HABP2: variants seen among roughly 807,000 people sequenced by gnomAD.
HABP2 encodes factor VII-activating protease.
A neutral mutation model predicts 66.5 loss-of-function variants in HABP2; 65 were observed. That is an observed-to-expected ratio of 0.98 (90% CI 0.80 to 1.20). The LOEUF is 1.20. Ranked by LOEUF, HABP2 falls within the 50% of genes most tolerant of loss-of-function variation. HABP2 has a pLI of 0.00. For synonymous variants in HABP2, 263 were observed against 253.9 expected, an observed-to-expected ratio of 1.04 and a Z score of -0.34; for missense variants, 786 against 691.0, an observed-to-expected ratio of 1.14 and a Z score of -1.54.
rs35337746 is a variant in HABP2 at position 113,587,347 on chromosome 10, A to C, written c.1519-858A>C. On this transcript the variant is annotated intron_variant, in intron 12 of 12. Transcript: ENST00000351270. ...AACAAAAACAAACAAACAAAAAAAAACCTCATTCAATTCCCTAGATAATTG... is the reference window on the plus strand; with the variant it reads ...AACAAAAACAAACAAACAAAAAAAACCCTCATTCAATTCCCTAGATAATTG... Among the ~76,000 whole-genome samples, 612 of 151,796 alleles carry C rather than the reference A, an allele frequency of 4.0e-3. 2 individuals carry two copies. Among genetic ancestry groups the C allele is most frequent in the Non-Finnish European group, 4.7e-3 (322 of 67,890 alleles).
At chr10:113,565,000 C>T (rs1338614136) in intron 1 of HABP2, among the ~76,000 whole-genome samples, 1 of 148,944 alleles carries the variant, frequency 6.7e-6, no homozygotes, top group Non-Finnish European at 1.5e-5. Flanking sequence ...GCCCCCGCTG[C>T]CACATCCAGC....
At chr10:113,578,516 G>A (rs200329810) in intron 6 of HABP2, 111 bp from the exon 7 acceptor site, 127 of 729,342 alleles carry the variant, frequency 1.7e-4, no homozygotes, top group Non-Finnish European at 2.8e-4. Context: ...ATCTCAGGGC[G>A]ATAAATATGC....
chr10:113,574,220 C>A (rs1409451527), intron 2 of HABP2, 69 bp from the exon 3 acceptor site: 7 of 803,514 alleles, frequency 8.7e-6, no homozygotes, highest in African/African-American at 5.0e-5. Context: ...AGGTGTCCAA[C>A]TAAATAAAAT....
intron 1 of HABP2, 97 bp from the exon 2 acceptor site, chr10:113,567,392 C>G: frequency 2.2e-6 from 2 of 900,310 alleles, no homozygotes; most frequent in Non-Finnish European, 3.7e-6. Flanking sequence ...ACGCAGTGCA[C>G]CTGCACCCCA....
rs560961218 is a variant in HABP2 at position 113,554,072 on chromosome 10, T to G, written c.69+882T>G. On this transcript the variant is annotated intron_variant, in intron 1 of 12. Transcript: ENST00000351270. ...AATGTTGGGCAAGGAACATAATCTC[T>G]CTGAGCCTCAGTGTTGTCTTCTGCA... Among the ~76,000 whole-genome samples, 4 of 152,102 alleles carry G rather than the reference T, an allele frequency of 2.6e-5. No individual in the cohort carries two copies. The East Asian group carries it at 5.8e-4, about 22-fold the overall frequency.
At chr10:113,584,331 A>G in intron 11 of HABP2, 49 bp downstream of exon 11, 2 of 1,561,428 alleles carry the variant, frequency 1.3e-6, no homozygotes, top group Non-Finnish European at 1.8e-6. Flanking sequence ...TACATCAACC[A>G]GAGAAGAAAG....
In HABP2 at chr10:113,588,408, C is replaced by T. The variant is rs769411290; in HGVS notation, c.*39C>T. ...GGACCTCAGAGCCCACTCTCCTTGG[C>T]ACCCTGACACCGGGAGGCCTCATGG... On this transcript the variant is annotated 3_prime_UTR_variant, in exon 13 of 13. Transcript: ENST00000351270. 5 of 1,537,306 alleles carry T rather than the reference C, an allele frequency of 3.3e-6. No homozygotes were observed. The East Asian group carries it at 9.0e-5, about 28-fold the overall frequency.
At chr10:113,572,821 G>A in intron 2 of HABP2, 1 of 286,884 alleles carries the variant, frequency 3.5e-6, no homozygotes, top group South Asian at 2.9e-5. Flanking sequence ...TTGACACTGT[G>A]ATAAATGAGG....
chr10:113,576,023 G>A lies in HABP2; in HGVS notation c.331+19G>A, dbSNP rs768350746. ...CAGAAAGGTGAGTCCGTCATCACTA[G>A]TCCACTCTTCCCTCTGAGTTAAACA... On this transcript the variant is annotated intron_variant, in intron 4 of 12. Coordinates refer to ENST00000351270, the MANE Select transcript of HABP2 (RefSeq NM_004132.5). 3 of 1,255,544 alleles carry A rather than the reference G, an allele frequency of 2.4e-6. No homozygotes were observed. The highest frequency in any genetic ancestry group is 2.3e-6 in the Non-Finnish European group (2 of 853,088). The allele number at this position is 1,255,544 out of a possible 1,614,324, so 77.8% of individuals were successfully genotyped here.
At position 113,581,918 on chromosome 10, in the gene HABP2, A is replaced by G. The variant is rs377761766; in HGVS notation, c.881A>G (p.Lys294Arg). 1.7e-5 allele frequency: 28 copies of G among 1,614,008 alleles called. No homozygotes were observed. Among genetic ancestry groups the G allele is most frequent in the Non-Finnish European group, 2.2e-5 (26 of 1,179,958 alleles). ...GAAAGCCCCACTGAGCCATCAACCAAGCTTCCGGGGTTTGACTCCTGTGGA... is the reference window on the plus strand; with the variant it reads ...GAAAGCCCCACTGAGCCATCAACCAGGCTTCCGGGGTTTGACTCCTGTGGA... ...PEESPTEPST[K>R]LPGFDSCGKT... Residue 294 changes from lysine to arginine, a missense_variant, in exon 9 of 13, where the codon AAG becomes AGG. Transcript: ENST00000351270.
chr10:113,564,850 C>T (rs999177904), intron 1 of HABP2, among the ~76,000 whole-genome samples: 14 of 150,516 alleles, frequency 9.3e-5, no homozygotes, highest in South Asian at 2.1e-4. Flanking sequence ...GCATCTCTCT[C>T]TTTTGTTTTT....
At chr10:113,567,461 T>C in intron 1 of HABP2, 28 bp from the exon 2 acceptor site, 1 of 1,593,358 alleles carries the variant, frequency 6.3e-7, no homozygotes. Context: ...ATCTCAACGC[T>C]GATCTGCTGT....
chr10:113,565,293 C>G lies in HABP2; in HGVS notation c.70-2196C>G, dbSNP rs1592686465. On this transcript the variant is annotated intron_variant, in intron 1 of 12. Transcript: ENST00000351270. ...CAGTATCTTAGTCCATTTTGTGTTG[C>G]TACAAAGGAATACCTGAGGCTGGGT... is the stretch of plus-strand genomic sequence containing the variant. Among the ~76,000 whole-genome samples, 3 of 152,258 alleles carry G rather than the reference C, an allele frequency of 2.0e-5. 1 individual carries two copies. The highest frequency in any genetic ancestry group is 4.1e-4 in the South Asian group (2 of 4,824).
chr10:113,554,436 C>T (rs556595769), intron 1 of HABP2, among the ~76,000 whole-genome samples: 7 of 152,312 alleles, frequency 4.6e-5, no homozygotes, highest in Admixed American at 6.5e-5. Context: ...CTTTCTTTTC[C>T]GTCAACTGTG....
intron 6 of HABP2, 141 bp downstream of exon 6, chr10:113,578,286 G>A (rs1845451406): frequency 1.1e-6 from 1 of 913,592 alleles, no homozygotes; most frequent in South Asian, 1.6e-5. Flanking sequence ...AAGGGATAGG[G>A]CGTGTCTGGC....
chr10:113,561,154 G>C (rs559302628), intron 1 of HABP2, among the ~76,000 whole-genome samples: 2 of 152,238 alleles, frequency 1.3e-5, no homozygotes, highest in Non-Finnish European at 1.5e-5. Flanking sequence ...GAAGGAGCCC[G>C]TGTCTCTGAA....
At chr10:113,583,126 G>A in intron 9 of HABP2, 90 bp from the exon 10 acceptor site, 1 of 1,067,212 alleles carries the variant, frequency 9.4e-7, no homozygotes, top group Non-Finnish European at 1.4e-6. Flanking sequence ...TACAAATGAG[G>A]AGGCTGAGTC....
chr10:113,572,006 C>T (rs1249964414), intron 2 of HABP2, among the ~76,000 whole-genome samples: 1 of 152,242 alleles, frequency 6.6e-6, no homozygotes, highest in African/African-American at 2.4e-5. Flanking sequence ...TCCTGTAAAG[C>T]ACCTTCAAAT....
intron 12 of HABP2, among the ~76,000 whole-genome samples, chr10:113,587,211 T>G (rs992140679): frequency 1.3e-5 from 2 of 152,038 alleles, no homozygotes; most frequent in Non-Finnish European, 1.5e-5. Context: ...TCCCAGCTAC[T>G]GGGGCTGAGG....
Sources: allele counts gnomAD v4.1 joint callset (sites outside exome capture counted in the v4.1 genomes callset), GRCh38; gene constraint gnomAD v4.1.1; transcripts MANE v1.5; gene names NCBI Gene and HGNC (gene_info 2026-07-23, HGNC 2026-07-21).